TIAM1: variants seen among roughly 807,000 people sequenced by gnomAD.
TIAM1 encodes TIAM Rac1 associated GEF 1, also known as rho guanine nucleotide exchange factor TIAM1.
In TIAM1, 65 loss-of-function variants were observed where a neutral mutation model predicts 163.5. That is an observed-to-expected ratio of 0.40 (90% CI 0.33 to 0.49). The LOEUF (loss-of-function observed/expected upper bound fraction) is 0.49, where lower values mean the gene tolerates loss of function less well. Among genes scored for constraint, TIAM1 ranks in the 20% least tolerant of loss-of-function variants. The pLI is 0.77. For missense variants in TIAM1, 1,789 were observed against 2,044.7 expected (o/e 0.87, Z 2.41); for synonymous variants, 833 against 810.1 (o/e 1.03, Z -0.48).
intron 2 of TIAM1, among the ~76,000 whole-genome samples, chr21:31,398,006 C>G (rs2077101294): frequency 6.6e-6 from 1 of 151,936 alleles, no homozygotes; most frequent in South Asian, 2.1e-4. Context: ...CCAAGTACCT[C>G]CCACTGCCAT....
intron 1 of TIAM1, among the ~76,000 whole-genome samples, chr21:31,504,443 G>A (rs546145756): frequency 3.9e-5 from 6 of 152,336 alleles, no homozygotes; most frequent in African/African-American, 1.4e-4. Flanking sequence ...AATTTCAGAA[G>A]CCACCTTGAG....
chr21:31,293,138 A>T (rs1196903940), intron 2 of TIAM1, among the ~76,000 whole-genome samples: 1 of 152,170 alleles, frequency 6.6e-6, no homozygotes, highest in Non-Finnish European at 1.5e-5. Context: ...TTTACTTTAA[A>T]GAATTGGCTC....
chr21:31,184,012 G>A (rs1355134278), intron 14 of TIAM1, among the ~76,000 whole-genome samples: 2 of 152,120 alleles, frequency 1.3e-5, no homozygotes, highest in South Asian at 2.1e-4. Context: ...GCAGTGGCAC[G>A]ATCTTGGCTC....
intron 26 of TIAM1, among the ~76,000 whole-genome samples, chr21:31,126,276 T>A (rs1021152036): frequency 2.7e-5 from 3 of 111,216 alleles, no homozygotes; most frequent in Non-Finnish European, 3.6e-5. Flanking sequence ...TATCTACGAT[T>A]AAATTAAAGT....
intron 2 of TIAM1, among the ~76,000 whole-genome samples, chr21:31,299,269 C>G (rs186931569): frequency 6.6e-6 from 1 of 152,162 alleles, no homozygotes; most frequent in East Asian, 1.9e-4. Flanking sequence ...ATGCCCCTCC[C>G]CTATGCCTTT....
intron 2 of TIAM1, among the ~76,000 whole-genome samples, chr21:31,323,359 C>T (rs372003747): frequency 2.7e-3 from 406 of 151,082 alleles, no homozygotes; most frequent in African/African-American, 9.5e-3. Flanking sequence ...GAAAAGACTA[C>T]ACATTGTAGG....
chr21:31,478,914 C>A (rs983384565), intron 1 of TIAM1, among the ~76,000 whole-genome samples: 1 of 152,148 alleles, frequency 6.6e-6, no homozygotes, highest in Non-Finnish European at 1.5e-5. Flanking sequence ...TAAATGAAAT[C>A]CAGAAACATC....
intron 2 of TIAM1, among the ~76,000 whole-genome samples, chr21:31,458,231 C>T (rs538536248): frequency 6.6e-5 from 10 of 152,158 alleles, no homozygotes; most frequent in Non-Finnish European, 1.5e-4. Context: ...ACCAGCCTAG[C>T]CAACATAGTG....
chr21:31,465,629 G>A (rs994635591), intron 1 of TIAM1, among the ~76,000 whole-genome samples: 2 of 151,484 alleles, frequency 1.3e-5, no homozygotes, highest in African/African-American at 4.9e-5. Flanking sequence ...GGAGTGCAGT[G>A]GTGCGATCTT....
intron 2 of TIAM1, among the ~76,000 whole-genome samples, chr21:31,369,794 C>T (rs1185077550): frequency 6.6e-6 from 1 of 152,062 alleles, no homozygotes; most frequent in African/African-American, 2.4e-5. Flanking sequence ...TCGAGACCAG[C>T]CTGATCAACA....
chr21:31,453,779 T>C (rs917272598), intron 2 of TIAM1, among the ~76,000 whole-genome samples: 2 of 126,704 alleles, frequency 1.6e-5, no homozygotes, highest in African/African-American at 6.1e-5. Context: ...ATGAATACAT[T>C]TCCATGGGTT....
chr21:31,466,774 T>C (rs2833414), intron 1 of TIAM1, among the ~76,000 whole-genome samples: 47,456 of 152,056 alleles, frequency 0.31, 7,609 homozygotes, highest in African/African-American at 0.34. Flanking sequence ...TAATTGCGCT[T>C]TTTTGCAAAA....
At chr21:31,343,931 C>G (rs2076092980) in intron 1 of TIAM1, among the ~76,000 whole-genome samples, 1 of 152,226 alleles carries the variant, frequency 6.6e-6, no homozygotes, top group Non-Finnish European at 1.5e-5. Context: ...GCCGGCAACG[C>G]GCGCCGAGCC....
At chr21:31,326,533 A>G (rs1399636647) in intron 2 of TIAM1, among the ~76,000 whole-genome samples, 2 of 152,240 alleles carry the variant, frequency 1.3e-5, no homozygotes, top group African/African-American at 2.4e-5. Context: ...ATCCATATTA[A>G]GTGGTAAAAG....
At chr21:31,202,454 T>G (rs988682842) in intron 12 of TIAM1, among the ~76,000 whole-genome samples, 1 of 152,044 alleles carries the variant, frequency 6.6e-6, no homozygotes, top group Admixed American at 6.6e-5. Context: ...TGGTTCCAGT[T>G]ACTCAGGAGG....
chr21:31,555,497 C>G (rs190787473), intron 1 of TIAM1, among the ~76,000 whole-genome samples: 1 of 152,148 alleles, frequency 6.6e-6, no homozygotes, highest in Admixed American at 6.5e-5. Context: ...GATCGTAAAA[C>G]GAGGCTCTTT....
chr21:31,332,747 C>A (rs1320787959), intron 2 of TIAM1, among the ~76,000 whole-genome samples: 1 of 151,326 alleles, frequency 6.6e-6, no homozygotes, highest in East Asian at 1.9e-4. Flanking sequence ...CCCACACTCA[C>A]ATTCACACTA....
chr21:31,194,895 A>G lies in TIAM1; in HGVS notation c.2575+329T>C, dbSNP rs57803822. On this transcript the variant is annotated intron_variant, in intron 13 of 27. Transcript: ENST00000541036. ...TATTTTGTAGAATGGAGGCTATCCC[A>G]TGCATGAATCACAAATAAAAGCCAG... is the stretch of plus-strand genomic sequence containing the variant. Among the ~76,000 whole-genome samples, 480 of 152,352 alleles carry G rather than the reference A, an allele frequency of 3.2e-3. 5 individuals carry two copies. Among genetic ancestry groups the G allele is most frequent in the African/African-American group, 0.01 (431 of 41,586 alleles).
At chr21:31,244,497 G>A (rs1401484967) in intron 6 of TIAM1, among the ~76,000 whole-genome samples, 1 of 152,182 alleles carries the variant, frequency 6.6e-6, no homozygotes, top group Non-Finnish European at 1.5e-5. Context: ...GGCCGAGGTG[G>A]GTGGATGACC....
Sources: gnomAD v4.1 joint callset for allele counts (sites outside exome capture counted in the v4.1 genomes callset) on GRCh38, gnomAD v4.1.1 for gene constraint, MANE v1.5 for transcripts, NCBI Gene and HGNC (gene_info 2026-07-23, HGNC 2026-07-21) for gene names.